Variants in DMTN observed in about 807,000 individuals in gnomAD.
DMTN encodes dematin.
A neutral mutation model predicts 59.4 loss-of-function variants in DMTN; 27 were observed. That is an observed-to-expected ratio of 0.45 (90% CI 0.33 to 0.63). DMTN has a LOEUF of 0.63. DMTN is among the 20% of genes least tolerant of loss of function. The pLI is 0.02. For missense variants in DMTN, 451 were observed against 528.9 expected, an observed-to-expected ratio of 0.85 and a Z score of 1.45; for synonymous variants, 221 against 203.7, an observed-to-expected ratio of 1.08 and a Z score of -0.72.
chr8:22,061,749 ATTTTTT>A (rs1175743497), intron 1 of DMTN, among the ~76,000 whole-genome samples: 2 of 119,716 alleles, frequency 1.7e-5, no homozygotes, highest in Admixed American at 8.5e-5. Flanking sequence ...CTTAATTCTC[ATTTTTT>A]TTTTTTTTTT....
chr8:22,079,768 A>T (rs1463764749), intron 10 of DMTN, among the ~76,000 whole-genome samples: 4 of 152,002 alleles, frequency 2.6e-5, no homozygotes, highest in African/African-American at 9.7e-5. Flanking sequence ...CCAAAAAAAA[A>T]ATTTTTTTTT....
chr8:22,055,671 C>A, upstream of DMTN: 1 of 152,496 alleles, frequency 6.6e-6, no homozygotes. Context: ...CGCCTGGCTG[C>A]AGCAGCTCAG....
chr8:22,076,577 T>C (rs1201732298), intron 10 of DMTN, among the ~76,000 whole-genome samples: 1 of 151,818 alleles, frequency 6.6e-6, no homozygotes, highest in Non-Finnish European at 1.5e-5. Context: ...TCTAATTGTA[T>C]ATATATATGT....
chr8:22,070,161 G>A, intron 7 of DMTN, 21 bp from the exon 8 acceptor site: 2 of 1,566,312 alleles, frequency 1.3e-6, no homozygotes, highest in Non-Finnish European at 1.7e-6. Context: ...ACACCTGGCT[G>A]ACCCTGGCCT....
intron 8 of DMTN, 119 bp from the exon 9 acceptor site, chr8:22,072,207 A>T: frequency 7.6e-7 from 1 of 1,314,908 alleles, no homozygotes; most frequent in Non-Finnish European, 9.8e-7. Flanking sequence ...TTTTTAAAAA[A>T]ATTTTGTAGT....
chr8:22,063,303 C>T (rs924691006), intron 1 of DMTN, among the ~76,000 whole-genome samples: 1 of 152,204 alleles, frequency 6.6e-6, no homozygotes, highest in Admixed American at 6.6e-5. Context: ...TAGATCTTTA[C>T]AGTGCCCTGC....
At chr8:22,067,903 C>T (rs1407522925) in intron 4 of DMTN, among the ~76,000 whole-genome samples, 2 of 152,160 alleles carry the variant, frequency 1.3e-5, no homozygotes, top group East Asian at 3.8e-4. Context: ...GGGGTGGACA[C>T]CTTTGGATGG....
chr8:22,055,341 A>C (rs73670329), upstream of DMTN: 25,434 of 152,246 alleles, frequency 0.17, 4,547 homozygotes, highest in African/African-American at 0.45. Context: ...TCAAAGCCCC[A>C]AGTACCTGGT....
chr8:22,061,148 T>C (rs1806047610), intron 1 of DMTN, among the ~76,000 whole-genome samples: 1 of 150,958 alleles, frequency 6.6e-6, no homozygotes, highest in Non-Finnish European at 1.5e-5. Context: ...CCGGGTGTTG[T>C]GGAGTACTCC....
intron 1 of DMTN, among the ~76,000 whole-genome samples, chr8:22,064,675 G>C (rs576416146): frequency 6.6e-6 from 1 of 152,302 alleles, no homozygotes; most frequent in South Asian, 2.1e-4. Flanking sequence ...AGCCAGGATG[G>C]TCTCAGTCTC....
chr8:22,067,001 C>G, intron 2 of DMTN, 84 bp from the exon 3 acceptor site: 3 of 1,306,018 alleles, frequency 2.3e-6, no homozygotes, highest in South Asian at 2.3e-5. Context: ...CGCAGCGCCC[C>G]GGGTCCCCCA....
upstream of DMTN, among the ~76,000 whole-genome samples, chr8:22,050,120 A>G (rs908349267): frequency 2.6e-5 from 4 of 152,198 alleles, no homozygotes; most frequent in African/African-American, 9.7e-5. Context: ...AAAGAGCCTT[A>G]ATCCCAGTGA....
rs376270530 is a variant in DMTN at position 22,081,104 on chromosome 8, C to G, written c.1024-9C>G. On this transcript the variant is annotated splice_polypyrimidine_tract_variant and intron_variant, in intron 14 of 15. Transcript: ENST00000358242. Reference sequence around the variant, plus strand: ...GTGAGCCTAAGATTGCCCCTCCCCCCACCCCCAGATCTATCCCTATGAAAT... The same window carrying G: ...GTGAGCCTAAGATTGCCCCTCCCCCGACCCCCAGATCTATCCCTATGAAAT... The G allele has an allele frequency of 2.7e-5, 27 of 984,340 alleles. No individual in the cohort carries two copies. Among genetic ancestry groups the G allele is most frequent in the Non-Finnish European group, 3.9e-5 (25 of 646,260 alleles). 61.0% of individuals were successfully genotyped at this position (984,340 alleles called of 1,614,324 possible). A position where few individuals can be genotyped will look rare whatever the true frequency, so the allele number is the denominator to read the frequency against.
At position 22,081,839 on chromosome 8, in the gene DMTN, C is replaced by T. The variant is rs1217132346; in HGVS notation, c.*376C>T. 8.5e-6 allele frequency: 4 copies of T among 470,090 alleles called. No homozygotes were observed. Among genetic ancestry groups the T allele is most frequent in the South Asian group, 1.5e-5 (1 of 64,628 alleles). The allele number at this position is 470,090 out of a possible 1,614,324, so 29.1% of individuals were successfully genotyped here. On this transcript the variant is annotated 3_prime_UTR_variant, in exon 16 of 16. Transcript: ENST00000358242. ...GGAGGGAAGATGCAGGGGTGGGAAG[C>T]GGCCAGGCAGAAAGAGCTCCAGGCT... is the stretch of plus-strand genomic sequence containing the variant.
At chr8:22,064,661 T>C (rs546188500) in intron 1 of DMTN, among the ~76,000 whole-genome samples, 1 of 152,346 alleles carries the variant, frequency 6.6e-6, no homozygotes, top group Admixed American at 6.5e-5. Flanking sequence ...GGTTTCACTG[T>C]GTTAGCCAGG....
rs997272083 is a variant in DMTN at position 22,058,609 on chromosome 8, T to C, written c.-172+1473T>C. On this transcript the variant is annotated intron_variant, in intron 1 of 15. Transcript: ENST00000358242. This position sits in a 1 kb window ranked among gnomAD's most constrained non-coding sequence, Gnocchi z 4.3. ...CACCTGGGCCCGGTTTTGTTGTTAT[T>C]GAGAGAACAAGGGAGGGCAGGCCTT... Among the ~76,000 whole-genome samples, 23 of 152,102 alleles carry C rather than the reference T, an allele frequency of 1.5e-4. No individual in the cohort carries two copies. The highest frequency in any genetic ancestry group is 5.6e-4 in the African/African-American group (23 of 41,398).
In DMTN at chr8:22,081,983, A is replaced by T; in HGVS notation, c.*520A>T. 1 of 455,740 alleles carries T rather than the reference A, an allele frequency of 2.2e-6. No individual in the cohort carries two copies. The highest frequency in any genetic ancestry group is 4.4e-6 in the Non-Finnish European group (1 of 226,834). 28.2% of individuals were successfully genotyped at this position (455,740 alleles called of 1,614,324 possible). On this transcript the variant is annotated 3_prime_UTR_variant, in exon 16 of 16. Transcript: ENST00000358242. The stretch of plus-strand genomic sequence containing the variant: ...CAGCTCAGCCTCCGGCAGGGAGGTC[A>T]CCCCTCCACTTCAGCTTGCCCTGAC...
At chr8:22,055,909 C>G (rs1802349555), upstream of DMTN, among the ~76,000 whole-genome samples, 1 of 152,196 alleles carries the variant, frequency 6.6e-6, no homozygotes, top group Non-Finnish European at 1.5e-5. Context: ...CATCAGCTGA[C>G]CGGCTGGGGG....
At position 22,060,044 on chromosome 8, in the gene DMTN, G is replaced by C. The variant is rs1475489547; in HGVS notation, c.-172+2908G>C. On this transcript the variant is annotated intron_variant, in intron 1 of 15. Transcript: ENST00000358242. The surrounding 1 kb of genome is among the most constrained non-coding windows in gnomAD (Gnocchi z 5.0). ...GGACACACAGCTGGGGGAGGGTGGG[G>C]CTGAGATGGAGGGCGAGCGGCTGGC... 6.6e-6 allele frequency among the ~76,000 whole-genome samples: 1 copy of C among 152,098 alleles called. No homozygotes were observed. The highest frequency in any genetic ancestry group is 2.4e-5 in the African/African-American group (1 of 41,416).
Sources: gnomAD v4.1 joint callset for allele counts (sites outside exome capture counted in the v4.1 genomes callset) on GRCh38, gnomAD v4.1.1 for gene constraint, Gnocchi (gnomAD v3.1) non-coding constraint, MANE v1.5 for transcripts, NCBI Gene and HGNC (gene_info 2026-07-23, HGNC 2026-07-21) for gene names.